Variants in CORIN observed in about 807,000 individuals in gnomAD.
CORIN encodes atrial natriuretic peptide-converting enzyme.
Under a neutral mutation model 125.3 loss-of-function variants are expected in CORIN, and 117 were observed. The observed-to-expected ratio is 0.93, with a 90% CI of 0.80 to 1.09. CORIN has a LOEUF of 1.09. Ranked by LOEUF, CORIN falls within the 50% of genes least tolerant of loss-of-function variation. The pLI, the probability that CORIN is intolerant of heterozygous loss-of-function variation, is 0.00. For synonymous variants in CORIN, 450 were observed against 466.4 expected (o/e 0.96, Z 0.45); for missense variants, 1,253 against 1,306.7 (o/e 0.96, Z 0.63).
At chr4:47,688,259 T>G (rs1377719826) in intron 6 of CORIN, among the ~76,000 whole-genome samples, 4 of 152,316 alleles carry the variant, frequency 2.6e-5, no homozygotes, top group Admixed American at 2.6e-4. Context: ...CTTGTTTACC[T>G]CAATTTTTTT....
chr4:47,634,578 G>C (rs1283270277), intron 16 of CORIN, among the ~76,000 whole-genome samples: 1 of 152,166 alleles, frequency 6.6e-6, no homozygotes, highest in African/African-American at 2.4e-5. Context: ...AGGTTGCAGT[G>C]AGCCAAGATC....
intron 1 of CORIN, among the ~76,000 whole-genome samples, chr4:47,812,059 T>G (rs1407873420): frequency 6.6e-6 from 1 of 152,230 alleles, no homozygotes; most frequent in Non-Finnish European, 1.5e-5. Context: ...TATTTTAATC[T>G]CTTCATCAGG....
At chr4:47,704,670 C>A (rs1401737520) in intron 5 of CORIN, among the ~76,000 whole-genome samples, 1 of 152,174 alleles carries the variant, frequency 6.6e-6, no homozygotes, top group Non-Finnish European at 1.5e-5. Context: ...TTCCTATGAA[C>A]TCTCATTGCT....
At position 47,797,000 on chromosome 4, in the gene CORIN, T is replaced by C. The variant is rs73135994; in HGVS notation, c.208+9903A>G. Among the ~76,000 whole-genome samples, 1,517 of 152,034 alleles carry C rather than the reference T, an allele frequency of 1.0e-2. 23 individuals carry two copies. The highest frequency in any genetic ancestry group is 0.033 in the African/African-American group (1,370 of 41,510). On this transcript the variant is annotated intron_variant, in intron 2 of 21. Transcript: ENST00000273857. ...AGTGATCATTTGTTTCATGCCTTCT[T>C]CCCTCACTGTGGAGTCCCTGAGGGT...
Position 47,643,262 on chromosome 4 carries a change from ATGGGG to A in CORIN, c.1958-11_1958-7del. On this transcript the variant is annotated splice_region_variant and splice_polypyrimidine_tract_variant and intron_variant, in intron 14 of 21. Coordinates refer to ENST00000273857, the MANE Select transcript of CORIN (RefSeq NM_006587.4). ...CTCATCATCTTGGCAAAATGCTGGCATGGGGAACAAAAAGTGAGAAGGAAAACATT... is the reference window on the plus strand; with the variant it reads ...CTCATCATCTTGGCAAAATGCTGGCAAACAAAAAGTGAGAAGGAAAACATT... 1 of 1,589,678 alleles carries A rather than the reference ATGGGG, an allele frequency of 6.3e-7. No individual in the cohort carries two copies. The highest frequency in any genetic ancestry group is 8.6e-7 in the Non-Finnish European group (1 of 1,167,316).
chr4:47,713,459 A>T (rs538434751), intron 5 of CORIN, among the ~76,000 whole-genome samples: 2 of 152,318 alleles, frequency 1.3e-5, no homozygotes, highest in South Asian at 4.2e-4. Context: ...TTTTATTAAA[A>T]TTCTGTTAAA....
Position 47,837,913 on chromosome 4 carries a change from A to G in CORIN, c.37T>C (p.Cys13Arg), listed in dbSNP as rs1733543747. ...GGCTTTGGGGACCCGGCTCTGCGGCAGCGCTCTTCCGGAGCGAGGGCAGGA... is the reference window on the plus strand; with the variant it reads ...GGCTTTGGGGACCCGGCTCTGCGGCGGCGCTCTTCCGGAGCGAGGGCAGGA... ...QSPALAPEER[C>R]RRAGSPKPVL... Residue 13 changes from cysteine to arginine, a missense_variant, in exon 1 of 22, where the codon TGC (cysteine) becomes CGC (arginine). Cys to Arg is a radical substitution (Grantham distance 180). Coordinates refer to ENST00000273857, the MANE Select transcript of CORIN (RefSeq NM_006587.4). The G allele has an allele frequency of 6.2e-7, 1 of 1,613,588 alleles. No homozygotes were observed. The highest frequency in any genetic ancestry group is 1.3e-5 in the African/African-American group (1 of 74,910).
Position 47,680,143 on chromosome 4 carries a change from C to A in CORIN, c.1130G>T (p.Cys377Phe). Residue 377 changes from cysteine to phenylalanine, a missense_variant and splice_region_variant, in exon 8 of 22, where the codon TGC (cysteine) becomes TTC (phenylalanine). Cys to Phe is a radical substitution (Grantham distance 205). Coordinates refer to ENST00000273857, the MANE Select transcript of CORIN (RefSeq NM_006587.4). ...DCVDKSDEVN[C>F]SCHSQGLVEC... is the part of the protein sequence containing the mutation. ...ACAAACGTCCTCAGAGCACTCACAG[C>A]AGTTGACCTCGTCAGACTTATCCAC... is the stretch of plus-strand genomic sequence containing the variant. 6.2e-7 allele frequency: 1 copy of A among 1,604,042 alleles called. No individual in the cohort carries two copies. The highest frequency in any genetic ancestry group is 8.5e-7 in the Non-Finnish European group (1 of 1,170,722).
intron 6 of CORIN, among the ~76,000 whole-genome samples, chr4:47,690,405 C>T (rs986793631): frequency 6.6e-6 from 1 of 152,184 alleles, no homozygotes; most frequent in African/African-American, 2.4e-5. Flanking sequence ...TAAATCAAAG[C>T]ATGTAGGTAA....
chr4:47,699,388 C>A (rs972763982), intron 5 of CORIN, among the ~76,000 whole-genome samples: 1 of 152,122 alleles, frequency 6.6e-6, no homozygotes, highest in Non-Finnish European at 1.5e-5. Context: ...CCTAATAGTG[C>A]CAGTGCCCAA....
In CORIN at chr4:47,642,000, T is replaced by C. The variant is rs1577772801; in HGVS notation, c.2118A>G (p.Arg706=). The change falls in exon 16 of 22, where the codon AGA becomes AGG. Residue 706 remains arginine, a synonymous_variant. Coordinates refer to ENST00000273857, the MANE Select transcript of CORIN (RefSeq NM_006587.4). ...VNSSSFLMVH[R]AATEHHVCAD... is the part of the protein sequence containing the mutation. ...CACACACATGGTGTTCTGTGGCAGC[T>C]CTGTGAACCATCAGAAAGGAAGAGG... The C allele has an allele frequency of 6.2e-7, 1 of 1,613,484 alleles. No individual in the cohort carries two copies. Among genetic ancestry groups the C allele is most frequent in the Admixed American group, 1.7e-5 (1 of 59,970 alleles).
At chr4:47,711,178 A>G (rs1263308583) in intron 5 of CORIN, among the ~76,000 whole-genome samples, 1 of 151,954 alleles carries the variant, frequency 6.6e-6, no homozygotes, top group East Asian at 1.9e-4. Context: ...TTCCACCCAC[A>G]TCTCTCCTGC....
chr4:47,642,894 A>G (rs749474159), intron 15 of CORIN: 6 of 1,480,130 alleles, frequency 4.1e-6, no homozygotes, highest in Non-Finnish European at 4.5e-6. Flanking sequence ...CAGCAATTAT[A>G]TGATTACAAC....
chr4:47,657,728 AAGAG>A (rs376971189), intron 12 of CORIN, among the ~76,000 whole-genome samples: 2 of 149,896 alleles, frequency 1.3e-5, no homozygotes, highest in African/African-American at 5.0e-5. Flanking sequence ...AAGCAGGAAC[AAGAG>A]AGAGAGAGAG....
At chr4:47,688,585 G>C (rs986129026) in intron 6 of CORIN, among the ~76,000 whole-genome samples, 7 of 152,152 alleles carry the variant, frequency 4.6e-5, no homozygotes, top group South Asian at 4.1e-4. Context: ...CTGGGTGACA[G>C]AGTGAGACTC....
At chr4:47,739,684 TATC>T (rs5858086) in intron 5 of CORIN, among the ~76,000 whole-genome samples, 14,390 of 152,022 alleles carry the variant, frequency 0.095, 801 homozygotes, top group East Asian at 0.27. Flanking sequence ...AATCTTTTAT[TATC>T]CTATCTGATT....
chr4:47,662,266 C>T (rs1189657536), intron 11 of CORIN, among the ~76,000 whole-genome samples: 1 of 152,110 alleles, frequency 6.6e-6, no homozygotes, highest in Admixed American at 6.6e-5. Context: ...ACACCCTCAT[C>T]CTCAGAGATC....
At chr4:47,807,124 A>G (rs1731832031) in intron 1 of CORIN, 77 bp from the exon 2 acceptor site, 1 of 1,145,288 alleles carries the variant, frequency 8.7e-7, no homozygotes, top group East Asian at 2.4e-5. Flanking sequence ...ACAGCTATCC[A>G]TTTAGAACAG....
intron 12 of CORIN, among the ~76,000 whole-genome samples, chr4:47,661,054 T>A (rs887358242): frequency 3.9e-5 from 6 of 152,228 alleles, no homozygotes; most frequent in Admixed American, 6.5e-5. Context: ...GACGTCATTA[T>A]GTTACCTGAA....
Sources: allele counts gnomAD v4.1 joint callset (sites outside exome capture counted in the v4.1 genomes callset), GRCh38; gene constraint gnomAD v4.1.1; transcripts MANE v1.5; gene names NCBI Gene and HGNC (gene_info 2026-07-23, HGNC 2026-07-21).